The following HERC6 variants were observed in gnomAD, a reference collection of about 807,000 sequenced individuals.
HERC6 encodes the protein probable E3 ubiquitin-protein ligase HERC6.
In HERC6, 101 loss-of-function variants were observed where a neutral mutation model predicts 114.5. The ratio of observed to expected loss-of-function variants is 0.88; its 90% CI spans 0.75 to 1.04. The LOEUF is 1.04. HERC6 is among the 50% of genes least tolerant of loss of function. The pLI is 0.00. For synonymous variants in HERC6, 408 were observed against 436.2 expected (o/e 0.94, Z 0.81); for missense variants, 1,133 against 1,230.9 (o/e 0.92, Z 1.19).
rs1293350293 is a variant in HERC6, at chr4:88,387,126, G to A, written c.436+1551G>A. Among the ~76,000 whole-genome samples, 3 of 152,202 alleles carry A rather than the reference G, an allele frequency of 2.0e-5. No homozygotes were observed. The East Asian group carries it at 5.8e-4, about 29-fold the overall frequency. On this transcript the variant is annotated intron_variant, in intron 3 of 22. Transcript: ENST00000264346. ...AAACACATGAACTGGGCTGGGCATA[G>A]TGGCTCACACCTGTATTTCCAGCAC...
At chr4:88,426,830 G>T (rs934276997) in intron 15 of HERC6, among the ~76,000 whole-genome samples, 4 of 152,180 alleles carry the variant, frequency 2.6e-5, no homozygotes, top group Non-Finnish European at 5.9e-5. Flanking sequence ...ATTTGACCAG[G>T]TCATCTCTTC....
rs796874731 is a variant in HERC6, at chr4:88,405,405, A to G, written c.1215-149A>G. On this transcript the variant is annotated intron_variant, in intron 9 of 22. Coordinates refer to ENST00000264346, the MANE Select transcript of HERC6 (RefSeq NM_017912.4). Reference sequence around the variant, plus strand: ...GATTTAGAAATAATATGAACAAAGTATACCCAGGATTTGGGAGACTCTTAA... The same window carrying G: ...GATTTAGAAATAATATGAACAAAGTGTACCCAGGATTTGGGAGACTCTTAA... 18 of 464,298 alleles carry G rather than the reference A, an allele frequency of 3.9e-5. 1 individual carries two copies. Among genetic ancestry groups the G allele is most frequent in the African/African-American group, 2.2e-4 (11 of 49,648 alleles). The allele number at this position is 464,298 out of a possible 1,614,324, so 28.8% of individuals were successfully genotyped here.
chr4:88,415,739 A>G (rs936873603), intron 12 of HERC6, among the ~76,000 whole-genome samples: 1 of 152,222 alleles, frequency 6.6e-6, no homozygotes, highest in African/African-American at 2.4e-5. Context: ...GTGAACTCTT[A>G]CTATAGGACC....
intron 3 of HERC6, among the ~76,000 whole-genome samples, chr4:88,387,973 T>G (rs1734673369): frequency 1.3e-5 from 2 of 152,244 alleles, no homozygotes; most frequent in Admixed American, 1.3e-4. Context: ...TAGACCTTCG[T>G]GAGAGTTTAA....
At chr4:88,436,457 C>G (rs1738754484) in intron 18 of HERC6, among the ~76,000 whole-genome samples, 1 of 152,170 alleles carries the variant, frequency 6.6e-6, no homozygotes. Context: ...TCAGCCTTGG[C>G]AATACTGACC....
chr4:88,390,135 C>T (rs1489572032), intron 3 of HERC6, among the ~76,000 whole-genome samples: 1 of 144,888 alleles, frequency 6.9e-6, no homozygotes, highest in African/African-American at 2.6e-5. Flanking sequence ...GCCAAGATCG[C>T]ACCCTGCACT....
At chr4:88,405,688 A>C (rs1459652744) in intron 10 of HERC6, 75 bp downstream of exon 10, 1 of 776,324 alleles carries the variant, frequency 1.3e-6, no homozygotes, top group Non-Finnish European at 1.9e-6. Context: ...AAGTAAGTTT[A>C]ATTTGTGAAT....
At chr4:88,439,467 G>C (rs756431497) in intron 20 of HERC6, among the ~76,000 whole-genome samples, 1 of 151,936 alleles carries the variant, frequency 6.6e-6, no homozygotes, top group African/African-American at 2.4e-5. Flanking sequence ...AGTGGGAAGA[G>C]GCCCCTTGCT....
intron 16 of HERC6, among the ~76,000 whole-genome samples, chr4:88,430,857 A>G (rs1360082484): frequency 1.3e-5 from 2 of 152,192 alleles, no homozygotes; most frequent in African/African-American, 2.4e-5. Flanking sequence ...GGTTTGAAGA[A>G]CATCAAAATT....
chr4:88,401,968 G>T (rs1381036508), intron 8 of HERC6, among the ~76,000 whole-genome samples: 1 of 152,170 alleles, frequency 6.6e-6, no homozygotes, highest in African/African-American at 2.4e-5. Context: ...ATTACAGATG[G>T]AACTTTGCTA....
chr4:88,417,523 G>A lies in HERC6; in HGVS notation c.1657G>A (p.Glu553Lys), dbSNP rs768780766. ...ISQLLHQTKT[E>K]QDHCNVKALL... is the part of the protein sequence containing the mutation. ...TCAGCTGCTTCATCAGACTAAAACC[G>A]AACAGGATCACTGTAATGTTAAAGC... The change falls in exon 13 of 23, where the codon GAA becomes AAA. Residue 553 changes from glutamate (E) to lysine (K), a missense_variant. This residue lies in a region of HERC6 where 735 missense variants were observed against 754.0 expected (regional missense o/e 0.97). Transcript: ENST00000264346. The A allele has an allele frequency of 3.2e-5, 52 of 1,612,528 alleles. No individual in the cohort carries two copies. In the South Asian group the frequency reaches 4.4e-4, roughly 14 times the overall value.
intron 8 of HERC6, among the ~76,000 whole-genome samples, chr4:88,402,509 AG>A (rs2148889252): frequency 6.6e-6 from 1 of 152,302 alleles, no homozygotes; most frequent in South Asian, 2.1e-4. Context: ...ACCCTGATCC[AG>A]GGCATGTGTG....
chr4:88,404,738 C>G, intron 8 of HERC6, 138 bp from the exon 9 acceptor site: 1 of 1,103,364 alleles, frequency 9.1e-7, no homozygotes, highest in Non-Finnish European at 1.3e-6. Context: ...ACCGGTCTGA[C>G]GCCAAAGCTC....
intron 15 of HERC6, among the ~76,000 whole-genome samples, chr4:88,427,784 T>C (rs547704551): frequency 7.9e-5 from 12 of 152,160 alleles, no homozygotes; most frequent in Non-Finnish European, 1.6e-4. Context: ...GAGGGCTACA[T>C]TGGTTTGAGT....
Position 88,378,950 on chromosome 4 carries a change from G to T in HERC6, c.29G>T (p.Arg10Met). The T allele has an allele frequency of 6.3e-7, 1 of 1,594,924 alleles. No homozygotes were observed. The highest frequency in any genetic ancestry group is 1.7e-5 in the Admixed American group (1 of 57,796). Residue 10 changes from arginine (R) to methionine (M), a missense_variant, in exon 1 of 23, where the codon AGG (arginine) becomes ATG (methionine). Transcript: ENST00000264346. MYFCWGADS[R>M]ELQRRRTAGS... ...TACTTCTGTTGGGGCGCCGACTCCA[G>T]GGAGCTGCAGCGCCGGAGGACGGCG...
intron 12 of HERC6, among the ~76,000 whole-genome samples, chr4:88,416,270 A>G (rs1382107256): frequency 2.0e-5 from 3 of 152,162 alleles, no homozygotes; most frequent in African/African-American, 7.2e-5. Flanking sequence ...ATTCTGCATA[A>G]AGCCTGGCTT....
In HERC6 at chr4:88,393,517, G is replaced by A. The variant is rs1735029448; in HGVS notation, c.694G>A (p.Ala232Thr). The change falls in exon 5 of 23, where the codon GCA (alanine) becomes ACA (threonine). Residue 232 changes from alanine to threonine, a missense_variant. Ala to Thr is a moderately conservative substitution (Grantham distance 58). Around this residue, in one of 3 missense-constraint regions of HERC6, gnomAD observed 735 missense variants for 754.0 expected, o/e 0.97. Transcript: ENST00000264346. ...VQSNKPLSVG[A>T]LKNLGVVYIS... ...AAGCAACAAGCCTCTCTCAGTCGGT[G>A]CACTGAAGAATCTAGGTGTGGTTTA... The A allele has an allele frequency of 1.9e-6, 3 of 1,612,358 alleles. No homozygotes were observed. The highest frequency in any genetic ancestry group is 2.5e-6 in the Non-Finnish European group (3 of 1,178,860).
intron 3 of HERC6, among the ~76,000 whole-genome samples, chr4:88,387,575 G>A (rs1272335480): frequency 2.0e-5 from 3 of 152,078 alleles, no homozygotes; most frequent in African/African-American, 4.8e-5. Flanking sequence ...TAACTACTAC[G>A]CTGCACTGAC....
Position 88,436,890 on chromosome 4 carries a change from C to T in HERC6, c.2418-15C>T. The T allele has an allele frequency of 6.3e-7, 1 of 1,581,152 alleles. No homozygotes were observed. Among genetic ancestry groups the T allele is most frequent in the Non-Finnish European group, 8.6e-7 (1 of 1,163,276 alleles). ...GATCAATAAATATAATTTTTAAAAC[C>T]AAAATCTTCATTAGGAGTTTGCAAG... On this transcript the variant is annotated splice_polypyrimidine_tract_variant and intron_variant, in intron 18 of 22. Coordinates refer to ENST00000264346, the MANE Select transcript of HERC6 (RefSeq NM_017912.4).
Sources: gnomAD v4.1 joint callset for allele counts (sites outside exome capture counted in the v4.1 genomes callset) on GRCh38, gnomAD v4.1.1 for gene constraint, gnomAD v4.1.1 regional missense constraint, MANE v1.5 for transcripts, NCBI Gene and HGNC (gene_info 2026-07-23, HGNC 2026-07-21) for gene names.